The following FAF2 variants were observed in gnomAD, a reference collection of about 807,000 sequenced individuals.
The protein encoded by FAF2 is Fas associated factor family member 2.
A neutral mutation model predicts 62.3 loss-of-function variants in FAF2; 9 were observed. The observed-to-expected ratio is 0.14, with a 90% CI of 0.09 to 0.25. The LOEUF is 0.25. Ranked by LOEUF, FAF2 falls within the 10% of genes least tolerant of loss-of-function variation. The pLI is 1.00. For missense variants in FAF2, 368 were observed against 556.2 expected (o/e 0.66, Z 3.40); for synonymous variants, 202 against 198.0 (o/e 1.02, Z -0.17).
chr5:176,454,202 G>A (rs1407989945), intron 1 of FAF2, among the ~76,000 whole-genome samples: 1 of 151,362 alleles, frequency 6.6e-6, no homozygotes, highest in African/African-American at 2.4e-5. Flanking sequence ...AGACCAGCCT[G>A]ACAAACATGG....
Position 176,500,110 on chromosome 5 carries a change from A to G in FAF2, c.1119A>G (p.Arg373=). 6.2e-7 allele frequency: 1 copy of G among 1,614,174 alleles called. No individual in the cohort carries two copies. Among genetic ancestry groups the G allele is most frequent in the East Asian group, 2.2e-5 (1 of 44,884 alleles). ...KIIFKLPNDS[R]VERRFHFSQS... is the part of the protein sequence containing the mutation. ...TCTTCAAATTACCTAATGATTCTCG[A>G]GTAGAGAGACGATTCCACTTTTCAC... The change falls in exon 10 of 11, where the codon CGA becomes CGG. Residue 373 remains arginine, a synonymous_variant. Coordinates refer to ENST00000261942, the MANE Select transcript of FAF2 (RefSeq NM_014613.3).
At chr5:176,487,440 C>T (rs1288307619) in intron 3 of FAF2, among the ~76,000 whole-genome samples, 1 of 152,134 alleles carries the variant, frequency 6.6e-6, no homozygotes, top group African/African-American at 2.4e-5. Flanking sequence ...ACCTCAGCCT[C>T]CCAAAGTGCT....
chr5:176,470,201 T>C (rs1333327108), intron 1 of FAF2, among the ~76,000 whole-genome samples: 1 of 152,236 alleles, frequency 6.6e-6, no homozygotes, highest in Admixed American at 6.5e-5. Flanking sequence ...AATTTGTAAA[T>C]GTAAACCAGT....
At chr5:176,461,669 T>C (rs908894932) in intron 1 of FAF2, among the ~76,000 whole-genome samples, 3 of 151,572 alleles carry the variant, frequency 2.0e-5, no homozygotes, top group Non-Finnish European at 4.4e-5. Flanking sequence ...TATTATTATT[T>C]GCTTGTTGAA....
chr5:176,500,164 T>G lies in FAF2; in HGVS notation c.1155+18T>G, dbSNP rs554701483. 1 of 1,613,236 alleles carries G rather than the reference T, an allele frequency of 6.2e-7. No homozygotes were observed. Among genetic ancestry groups the G allele is most frequent in the South Asian group, 1.1e-5 (1 of 90,994 alleles). On this transcript the variant is annotated intron_variant, in intron 10 of 10. Transcript: ENST00000261942. ...CTCTAACAGTAAGGACCACCTAAGT[T>G]CTGTGAAGTGTATGTAGCATCTGGG...
chr5:176,481,728 G>C (rs1758786963), intron 2 of FAF2, among the ~76,000 whole-genome samples: 1 of 152,052 alleles, frequency 6.6e-6, no homozygotes. Context: ...TTTGATCATA[G>C]CTCACTGCAG....
chr5:176,494,019 G>A lies in FAF2; in HGVS notation c.504G>A (p.Arg168=), dbSNP rs762540433. 9.9e-6 allele frequency: 16 copies of A among 1,613,602 alleles called. No homozygotes were observed. The highest frequency in any genetic ancestry group is 6.7e-5 in the East Asian group (3 of 44,870). The change falls in exon 6 of 11, where the codon AGG becomes AGA. Residue 168 remains arginine, a synonymous_variant. Coordinates refer to ENST00000261942, the MANE Select transcript of FAF2 (RefSeq NM_014613.3). The surrounding 1 kb of genome is among the most constrained non-coding windows in gnomAD (Gnocchi z 4.0). ...TYSQALNDAK[R]ELRFLLVYLH... is the part of the protein sequence containing the mutation. ...CACAGGCACTTAACGATGCCAAAAG[G>A]GAGCTTCGCTTTCTTTTGGTTTATC...
intron 2 of FAF2, among the ~76,000 whole-genome samples, chr5:176,481,951 G>T (rs1758789261): frequency 2.0e-5 from 3 of 152,038 alleles, no homozygotes; most frequent in Admixed American, 6.5e-5. Context: ...TTTCAAAGTG[G>T]TTATACCATT....
intron 4 of FAF2, 124 bp from the exon 5 acceptor site, chr5:176,492,070 C>A: frequency 9.2e-7 from 1 of 1,084,564 alleles, no homozygotes; most frequent in Non-Finnish European, 1.4e-6. Context: ...GGTCCACTCA[C>A]AGACTGTTCA....
chr5:176,472,719 C>CAAAAAAAAAAAAAAAAAAAAAA (rs66911150), intron 1 of FAF2, among the ~76,000 whole-genome samples: 1 of 108,518 alleles, frequency 9.2e-6, no homozygotes, highest in Non-Finnish European at 2.0e-5. Context: ...TTCATCTCTA[C>CAAAAAAAAAAAAAAAAAAAAAA]AAAAAAAAAA....
intron 2 of FAF2, among the ~76,000 whole-genome samples, chr5:176,485,575 A>T (rs1343503853): frequency 1.3e-5 from 2 of 152,178 alleles, no homozygotes; most frequent in East Asian, 3.8e-4. Context: ...AGAGTTAAGG[A>T]GGGAATGAAT....
At chr5:176,505,055 G>GT (rs1241218834) in intron 10 of FAF2, among the ~76,000 whole-genome samples, 1 of 151,300 alleles carries the variant, frequency 6.6e-6, no homozygotes, top group African/African-American at 2.4e-5. Flanking sequence ...CCCTAGAGCA[G>GT]TAAGTTTAAG....
chr5:176,449,527 A>G (rs1379195907), intron 1 of FAF2, among the ~76,000 whole-genome samples: 1 of 152,066 alleles, frequency 6.6e-6, no homozygotes, highest in Non-Finnish European at 1.5e-5. Context: ...GTGAGCCGAG[A>G]TCGTGCCACT....
Position 176,502,580 on chromosome 5 carries a change from C to CA in FAF2, c.1155+2444dup, listed in dbSNP as rs370079277. Among the ~76,000 whole-genome samples, 651 of 141,242 alleles carry CA rather than the reference C, an allele frequency of 4.6e-3. 3 individuals are homozygous for CA. The highest frequency in any genetic ancestry group is 0.016 in the African/African-American group (602 of 38,508). The allele number at this position is 141,242 out of a possible 152,430, so 92.7% of individuals were successfully genotyped here. A position where few individuals can be genotyped will look rare whatever the true frequency, so the allele number is the denominator to read the frequency against. On this transcript the variant is annotated intron_variant, in intron 10 of 10. Coordinates refer to ENST00000261942, the MANE Select transcript of FAF2 (RefSeq NM_014613.3). Reference sequence around the variant, plus strand: ...GGGCAACAAGTGTGAAACTCTGGCTCAAAAAAAAAAGAATGAAAAACCTAA... The same window carrying CA: ...GGGCAACAAGTGTGAAACTCTGGCTCAAAAAAAAAAAGAATGAAAAACCTAA...
At chr5:176,465,190 CAGATA>C (rs1758441738) in intron 1 of FAF2, among the ~76,000 whole-genome samples, 1 of 152,020 alleles carries the variant, frequency 6.6e-6, no homozygotes, top group Non-Finnish European at 1.5e-5. Flanking sequence ...AGAGCCTGGC[CAGATA>C]TGTACCATTT....
intron 1 of FAF2, 128 bp downstream of exon 1, chr5:176,448,598 C>A (rs536760906): frequency 1.2e-4 from 108 of 892,632 alleles, no homozygotes; most frequent in East Asian, 6.5e-4. Context: ...CCCTCCCCCC[C>A]AGACTCCAAC....
chr5:176,507,166 T>A lies in FAF2; in HGVS notation c.*216T>A, dbSNP rs550179042. The A allele has an allele frequency of 2.7e-6, 1 of 365,996 alleles. No individual in the cohort carries two copies. The highest frequency in any genetic ancestry group is 2.7e-5 in the South Asian group (1 of 37,244). The allele number at this position is 365,996 out of a possible 1,614,324, so 22.7% of individuals were successfully genotyped here. ...CACAACCTGTGTGTGCGCGCAAGGT[T>A]AGCAACAAACGTACCCGCTTGGCAA... is the stretch of plus-strand genomic sequence containing the variant. On this transcript the variant is annotated 3_prime_UTR_variant, in exon 11 of 11. Coordinates refer to ENST00000261942, the MANE Select transcript of FAF2 (RefSeq NM_014613.3).
intron 1 of FAF2, chr5:176,453,486 A>G (rs1445689700): frequency 2.0e-5 from 3 of 152,142 alleles, no homozygotes; most frequent in Non-Finnish European, 4.4e-5. Context: ...GGGCTGTAGA[A>G]TCAAATTTAT....
intron 1 of FAF2, among the ~76,000 whole-genome samples, chr5:176,460,752 A>G (rs2113719192): frequency 6.6e-6 from 1 of 151,684 alleles, no homozygotes; most frequent in Non-Finnish European, 1.5e-5. Context: ...GGAGTTTGAG[A>G]CCAGCCTGGG....
Sources: gnomAD v4.1 joint callset for allele counts (sites outside exome capture counted in the v4.1 genomes callset) on GRCh38, gnomAD v4.1.1 for gene constraint, Gnocchi (gnomAD v3.1) non-coding constraint, MANE v1.5 for transcripts, NCBI Gene and HGNC (gene_info 2026-07-23, HGNC 2026-07-21) for gene names.